Variants in MSL3B observed in about 807,000 individuals in gnomAD.
The protein encoded by MSL3B is MSL complex subunit 3 pseudogene 1.
At chr2:233,867,816 A>G in the MSL3B span, among the ~76,000 whole-genome samples, 1 of 115,112 alleles carries the variant, frequency 8.7e-6, no homozygotes. Flanking sequence ...TTTTTGAGAC[A>G]GAGTCTCACC....
the MSL3B span, chr2:233,867,391 C>G: frequency 3.7e-6 from 2 of 536,004 alleles, no homozygotes; most frequent in Non-Finnish European, 3.4e-6. Context: ...CAACCTGGAG[C>G]GGCTGCTTCT....
chr2:233,866,108 T>C, the MSL3B span: 3 of 555,466 alleles, frequency 5.4e-6, no homozygotes, highest in African/African-American at 3.8e-5. Flanking sequence ...GATGGAGCAG[T>C]TGTTCTTACA....
the MSL3B span, chr2:233,868,258 G>A: frequency 2.7e-6 from 1 of 364,606 alleles, no homozygotes; most frequent in South Asian, 2.5e-5. Context: ...CGACGGGAGC[G>A]TCCCACGGGA....
chr2:233,866,517 G>T, the MSL3B span: 1 of 1,210,380 alleles, frequency 8.3e-7, no homozygotes, highest in Non-Finnish European at 1.2e-6. Flanking sequence ...CTATGCACAG[G>T]TGTCTTCTTT....
At chr2:233,867,040 A>G in the MSL3B span, 2 of 1,247,114 alleles carry the variant, frequency 1.6e-6, no homozygotes, top group Non-Finnish European at 2.4e-6. Context: ...CTGCACTGAT[A>G]GCAAAATGCT....
chr2:233,866,772 G>A, the MSL3B span: 6 of 811,300 alleles, frequency 7.4e-6, no homozygotes, highest in Non-Finnish European at 1.3e-5. Context: ...CTGGGAGAGA[G>A]CTTCTCCTGG....
the MSL3B span, chr2:233,866,593 T>C: frequency 1.2e-6 from 1 of 826,904 alleles, no homozygotes; most frequent in Non-Finnish European, 2.2e-6. Context: ...TGGGCTGAGG[T>C]GAGGTGCTGC....
At chr2:233,868,249 G>GACGGGAGCGTCCC in the MSL3B span, 2 of 379,184 alleles carry the variant, frequency 5.3e-6, no homozygotes, top group Non-Finnish European at 1.1e-5. Flanking sequence ...GACGGCGTCC[G>GACGGGAGCGTCCC]ACGGGAGCGT....
the MSL3B span, chr2:233,866,562 A>G: frequency 3.6e-4 from 334 of 921,884 alleles, 9 homozygotes; most frequent in South Asian, 4.1e-3. Context: ...ACACTGGTGG[A>G]CATGTCCTGC....
the MSL3B span, chr2:233,867,096 G>A: frequency 5.6e-6 from 6 of 1,065,406 alleles, no homozygotes; most frequent in Non-Finnish European, 8.8e-6. Flanking sequence ...TGGCATGGAA[G>A]TTGCACTAAC....
the MSL3B span, chr2:233,866,722 C>G: frequency 1.4e-5 from 11 of 792,942 alleles, no homozygotes; most frequent in Non-Finnish European, 2.6e-5. Context: ...TCGACTGACT[C>G]TCTGTAGACT....
chr2:233,867,194 A>G, the MSL3B span: 1 of 777,428 alleles, frequency 1.3e-6, no homozygotes, highest in Admixed American at 1.7e-5. Flanking sequence ...TCTTTCTTCC[A>G]TTTCCCTTTT....
chr2:233,864,826 G>A, the MSL3B span, among the ~76,000 whole-genome samples: 1 of 152,142 alleles, frequency 6.6e-6, no homozygotes, highest in African/African-American at 2.4e-5. Flanking sequence ...GTCTCAATTT[G>A]GACTAGCACA....
chr2:233,867,584 T>C, the MSL3B span: 5 of 224,940 alleles, frequency 2.2e-5, no homozygotes, highest in Non-Finnish European at 4.3e-5. Context: ...CAAGTGATTC[T>C]CCTGCCTCAG....
At chr2:233,868,358 T>G in the MSL3B span, 1 of 161,996 alleles carries the variant, frequency 6.2e-6, no homozygotes, top group Admixed American at 6.4e-5. Context: ...GTCGGCGGCT[T>G]GCGTCCGCGT....
At chr2:233,866,284 G>A in the MSL3B span, 1 of 751,662 alleles carries the variant, frequency 1.3e-6, no homozygotes, top group Non-Finnish European at 2.5e-6. Context: ...TCTCAGTAAA[G>A]GACATTTTTC....
chr2:233,865,659 A>G, the MSL3B span: 1 of 153,734 alleles, frequency 6.5e-6, no homozygotes, highest in South Asian at 2.0e-4. Flanking sequence ...TCCCTCTAAA[A>G]TACTTTGAGA....
chr2:233,867,629 C>G, the MSL3B span, among the ~76,000 whole-genome samples: 2 of 151,504 alleles, frequency 1.3e-5, no homozygotes, highest in East Asian at 3.9e-4. Flanking sequence ...GCGCCCACCA[C>G]CATGTCCTGC....
At chr2:233,867,496 CAA>C in the MSL3B span, 1 of 327,336 alleles carries the variant, frequency 3.1e-6, no homozygotes, top group South Asian at 2.8e-5. Flanking sequence ...TTTTTTGTGA[CAA>C]GAGTTTCGGT....
Sources: gnomAD v4.1 joint callset for allele counts (sites outside exome capture counted in the v4.1 genomes callset) on GRCh38, gnomAD v4.1.1 for gene constraint, MANE v1.5 for transcripts, NCBI Gene and HGNC (gene_info 2026-07-23, HGNC 2026-07-21) for gene names.